CLSTN1: variants seen among roughly 807,000 people sequenced by gnomAD.
CLSTN1 encodes calsyntenin-1.
Under a neutral mutation model 108.3 loss-of-function variants are expected in CLSTN1, and 28 were observed. The observed-to-expected ratio is 0.26, with a 90% CI of 0.19 to 0.35. CLSTN1 has a LOEUF of 0.35. Among genes scored for constraint, CLSTN1 ranks in the 10% least tolerant of loss-of-function variants. The pLI, the probability that CLSTN1 is intolerant of heterozygous loss-of-function variation, is 1.00. For synonymous variants in CLSTN1, 524 were observed against 534.9 expected, an observed-to-expected ratio of 0.98 and a Z score of 0.28; for missense variants, 1,157 against 1,302.6, an observed-to-expected ratio of 0.89 and a Z score of 1.72.
intron 1 of CLSTN1, among the ~76,000 whole-genome samples, chr1:9,803,715 A>G (rs113773720): frequency 7.4e-4 from 112 of 152,228 alleles, no homozygotes; most frequent in African/African-American, 2.6e-3. Flanking sequence ...AGGCACAAGA[A>G]TTGCTTGAAC....
chr1:9,759,650 C>T (rs1355982021), intron 2 of CLSTN1, among the ~76,000 whole-genome samples: 1 of 152,214 alleles, frequency 6.6e-6, no homozygotes, highest in Non-Finnish European at 1.5e-5. Flanking sequence ...TGTATGGTCT[C>T]TGCTTTCACA....
chr1:9,767,950 A>G (rs911965124), intron 2 of CLSTN1, among the ~76,000 whole-genome samples: 2 of 152,188 alleles, frequency 1.3e-5, no homozygotes, highest in African/African-American at 4.8e-5. Context: ...AGCTCTTCAC[A>G]CGTATGAATA....
At chr1:9,768,884 A>AGAGG (rs1557706453) in intron 2 of CLSTN1, among the ~76,000 whole-genome samples, 1 of 136,922 alleles carries the variant, frequency 7.3e-6, no homozygotes, top group African/African-American at 2.7e-5. Flanking sequence ...AAGCAACAGA[A>AGAGG]GAGGGAGGGA....
At chr1:9,821,789 A>T (rs1655200276) in intron 1 of CLSTN1, among the ~76,000 whole-genome samples, 1 of 152,230 alleles carries the variant, frequency 6.6e-6, no homozygotes, top group South Asian at 2.1e-4. Context: ...AACCTGAAAA[A>T]AATGCATACG....
At chr1:9,750,366 T>C (rs1651495866) in intron 5 of CLSTN1, among the ~76,000 whole-genome samples, 1 of 152,146 alleles carries the variant, frequency 6.6e-6, no homozygotes, top group African/African-American at 2.4e-5. Flanking sequence ...CTCTGGAAAG[T>C]GTTTGCAATG....
At chr1:9,735,827 T>C (rs1650656684) in intron 12 of CLSTN1, 58 bp downstream of exon 12, 1 of 1,598,996 alleles carries the variant, frequency 6.3e-7, no homozygotes, top group Non-Finnish European at 8.5e-7. Context: ...CCCACCAGCC[T>C]CCGGGGCTGT....
At chr1:9,747,116 G>A (rs1015702414) in intron 7 of CLSTN1, among the ~76,000 whole-genome samples, 3 of 142,870 alleles carry the variant, frequency 2.1e-5, no homozygotes, top group Non-Finnish European at 3.0e-5. Flanking sequence ...GGAGGCAGAC[G>A]TTGCAGTGAG....
intron 1 of CLSTN1, among the ~76,000 whole-genome samples, chr1:9,813,457 C>T (rs1654849626): frequency 6.6e-6 from 1 of 151,560 alleles, no homozygotes; most frequent in East Asian, 1.9e-4. Context: ...TGAGATCATA[C>T]CTCTGCACTC....
chr1:9,818,746 CACTT>C (rs1299545046), intron 1 of CLSTN1, among the ~76,000 whole-genome samples: 1 of 145,172 alleles, frequency 6.9e-6, no homozygotes, highest in Non-Finnish European at 1.5e-5. Context: ...TTTTAAATTT[CACTT>C]ATAAAGACAT....
intron 1 of CLSTN1, among the ~76,000 whole-genome samples, chr1:9,810,606 C>T (rs573162490): frequency 5.3e-5 from 8 of 151,784 alleles, no homozygotes; most frequent in African/African-American, 1.9e-4. Flanking sequence ...GAAACCCCAT[C>T]TCTACTAAAA....
intron 1 of CLSTN1, among the ~76,000 whole-genome samples, chr1:9,797,650 G>T (rs952917910): frequency 8.6e-5 from 13 of 151,978 alleles, no homozygotes; most frequent in Non-Finnish European, 1.3e-4. Flanking sequence ...CAAAAGAAGA[G>T]AAGAGAAGGC....
intron 2 of CLSTN1, among the ~76,000 whole-genome samples, chr1:9,760,523 C>G (rs139882611): frequency 6.6e-6 from 1 of 152,074 alleles, no homozygotes; most frequent in Non-Finnish European, 1.5e-5. Context: ...CACAGTACCT[C>G]TGATGAGATA....
rs148680047 is a variant in CLSTN1, at chr1:9,736,006, T to A, written c.1613A>T (p.Asn538Ile). 6.2e-7 allele frequency: 1 copy of A among 1,614,146 alleles called. No individual in the cohort carries two copies. Residue 538 changes from asparagine (N) to isoleucine (I), a missense_variant, in exon 12 of 19, where the codon AAT becomes ATT. Physicochemically the swap from Asn to Ile is moderately radical, Grantham distance 149. Coordinates refer to ENST00000377298, the MANE Select transcript of CLSTN1 (RefSeq NM_001009566.3). Reference protein sequence around the residue: ...DLHMTQFFRGNLAGLTLRSGK... With the variant: ...DLHMTQFFRGILAGLTLRSGK... ...GGAACGGAGAGTTAAGCCAGCCAGA[T>A]TGCCTCGGAAAAACTGGGTCATGTG... is the stretch of plus-strand genomic sequence containing the variant.
chr1:9,814,247 C>CAAAAAAAAAAAAAAA (rs558624346), intron 1 of CLSTN1, among the ~76,000 whole-genome samples: 1 of 94,912 alleles, frequency 1.1e-5, no homozygotes, highest in Admixed American at 1.1e-4. Flanking sequence ...CCATCTCTAC[C>CAAAAAAAAAAAAAAA]AAAAAAAAAA....
In CLSTN1 at chr1:9,734,860, CACAGAG is replaced by C. The variant is rs1045128938; in HGVS notation, c.2110+82_2110+87del. 8.7e-6 allele frequency: 10 copies of C among 1,143,402 alleles called. No homozygotes were observed. The highest frequency in any genetic ancestry group is 4.6e-5 in the African/African-American group (3 of 64,688). 70.8% of individuals were successfully genotyped at this position (1,143,402 alleles called of 1,614,324 possible). A position where few individuals can be genotyped will look rare whatever the true frequency, so the allele number is the denominator to read the frequency against. On this transcript the variant is annotated intron_variant, in intron 14 of 18. Coordinates refer to ENST00000377298, the MANE Select transcript of CLSTN1 (RefSeq NM_001009566.3). The surrounding 1 kb of genome is among the most constrained non-coding windows in gnomAD (Gnocchi z 4.8). ...GAAAGATTAAAACCTCCCCAAATCC[CACAGAG>C]ACAAAGAGCCCCGCCAAGTACATGG...
intron 1 of CLSTN1, among the ~76,000 whole-genome samples, chr1:9,791,455 A>C (rs982490282): frequency 4.6e-5 from 7 of 151,450 alleles, no homozygotes; most frequent in African/African-American, 1.7e-4. Flanking sequence ...GCTGGTCTCG[A>C]ACTTCTGGGC....
chr1:9,757,030 G>A (rs578004282), intron 2 of CLSTN1, among the ~76,000 whole-genome samples: 12 of 151,640 alleles, frequency 7.9e-5, no homozygotes, highest in Admixed American at 2.0e-4. Context: ...CGCCCACCTC[G>A]GCCTCCCAAA....
At chr1:9,752,454 T>C (rs902889132) in intron 4 of CLSTN1, among the ~76,000 whole-genome samples, 1 of 152,232 alleles carries the variant, frequency 6.6e-6, no homozygotes, top group African/African-American at 2.4e-5. Flanking sequence ...ACTGGGGCAC[T>C]GCACCTTCTG....
chr1:9,814,247 CAAAAA>C (rs558624346), intron 1 of CLSTN1, among the ~76,000 whole-genome samples: 1 of 94,934 alleles, frequency 1.1e-5, no homozygotes. Flanking sequence ...CCATCTCTAC[CAAAAA>C]AAAAAAAAAA....
Sources: gnomAD v4.1 joint callset for allele counts (sites outside exome capture counted in the v4.1 genomes callset) on GRCh38, gnomAD v4.1.1 for gene constraint, Gnocchi (gnomAD v3.1) non-coding constraint, MANE v1.5 for transcripts, NCBI Gene and HGNC (gene_info 2026-07-23, HGNC 2026-07-21) for gene names.